SAMMSON: variants seen among roughly 807,000 people sequenced by gnomAD.
SAMMSON encodes the protein survival associated mitochondrial melanoma specific oncogenic non-coding RNA, also known as long intergenic non-protein coding RNA 1212.
intron 4 of SAMMSON, among the ~76,000 whole-genome samples, chr3:70,209,024 A>G (rs1276297676): frequency 6.6e-6 from 1 of 152,098 alleles, no homozygotes; most frequent in African/African-American, 2.4e-5. Flanking sequence ...GGCTTCCTCT[A>G]ACCCAAGAGG....
chr3:70,031,076 A>C (rs1436752977), intron 3 of SAMMSON, among the ~76,000 whole-genome samples: 1 of 152,212 alleles, frequency 6.6e-6, no homozygotes, highest in African/African-American at 2.4e-5. Flanking sequence ...ACAAGGACTC[A>C]AACAGTTCTT....
At chr3:70,161,732 G>A (rs1279976785) in intron 4 of SAMMSON, among the ~76,000 whole-genome samples, 2 of 151,822 alleles carry the variant, frequency 1.3e-5, no homozygotes, top group East Asian at 3.9e-4. Flanking sequence ...AGGGGAATTT[G>A]TAGAGTATTG....
chr3:70,296,056 A>G (rs947960047), intron 7 of SAMMSON, among the ~76,000 whole-genome samples: 3 of 152,176 alleles, frequency 2.0e-5, no homozygotes, highest in Non-Finnish European at 4.4e-5. Context: ...CAGGATTCTG[A>G]ATCTGTTTTA....
intron 3 of SAMMSON, among the ~76,000 whole-genome samples, chr3:70,039,524 A>C (rs1049465566): frequency 5.3e-5 from 8 of 151,896 alleles, no homozygotes; most frequent in African/African-American, 1.9e-4. Context: ...AGATGGCCAC[A>C]CTGAAGATTT....
At chr3:70,394,365 G>C (rs528025178), downstream of SAMMSON, among the ~76,000 whole-genome samples, 5 of 152,204 alleles carry the variant, frequency 3.3e-5, no homozygotes, top group East Asian at 7.7e-4. Context: ...ATTTCCCTTT[G>C]CGTGGCCTTG....
intron 2 of SAMMSON, among the ~76,000 whole-genome samples, chr3:70,013,215 ACT>A (rs2066965817): frequency 1.3e-5 from 2 of 151,908 alleles, no homozygotes; most frequent in Admixed American, 1.3e-4. Flanking sequence ...CTAGGTTTTG[ACT>A]CTGGCTTTGT....
chr3:70,035,128 G>A (rs1057134554), intron 3 of SAMMSON, among the ~76,000 whole-genome samples: 1 of 151,942 alleles, frequency 6.6e-6, no homozygotes, highest in Non-Finnish European at 1.5e-5. Context: ...GATTCACTTC[G>A]GGCCCATCCA....
At chr3:70,100,533 G>GAAAAAAT (rs143471172) in intron 4 of SAMMSON, among the ~76,000 whole-genome samples, 1 of 149,348 alleles carries the variant, frequency 6.7e-6, no homozygotes, top group African/African-American at 2.5e-5. Context: ...GGGGGGGGGG[G>GAAAAAAT]AAGCACCAAA....
intron 6 of SAMMSON, among the ~76,000 whole-genome samples, chr3:70,268,973 C>A (rs1701950166): frequency 6.6e-6 from 1 of 151,970 alleles, no homozygotes; most frequent in Non-Finnish European, 1.5e-5. Context: ...CAGGAAAAAT[C>A]TTAACCTTCT....
At chr3:70,281,694 C>T (rs1382757357) in intron 6 of SAMMSON, among the ~76,000 whole-genome samples, 4 of 152,134 alleles carry the variant, frequency 2.6e-5, no homozygotes, top group African/African-American at 9.7e-5. Context: ...ACCATCATTG[C>T]TTTTTGCCCC....
chr3:70,287,975 G>A (rs1299730158), intron 6 of SAMMSON, among the ~76,000 whole-genome samples: 5 of 151,994 alleles, frequency 3.3e-5, no homozygotes, highest in African/African-American at 1.2e-4. Context: ...CTTGCTAGCA[G>A]TCTATCTCTT....
At chr3:70,395,505 G>C (rs1395519445) in intron 2 of SAMMSON, among the ~76,000 whole-genome samples, 1 of 151,964 alleles carries the variant, frequency 6.6e-6, no homozygotes, top group Non-Finnish European at 1.5e-5. Context: ...AAAGTGCCTA[G>C]TTTTTGCCTA....
chr3:70,047,418 C>A (rs2067131131), intron 3 of SAMMSON, among the ~76,000 whole-genome samples: 1 of 149,996 alleles, frequency 6.7e-6, no homozygotes, highest in Non-Finnish European at 1.5e-5. Context: ...CTCACTGCAA[C>A]CTCTGCCTCC....
At chr3:70,336,802 A>G (rs1216820869) in intron 7 of SAMMSON, among the ~76,000 whole-genome samples, 2 of 144,384 alleles carry the variant, frequency 1.4e-5, no homozygotes, top group African/African-American at 5.1e-5. Flanking sequence ...AGAGTTAAAC[A>G]TAATAGAAAG....
chr3:70,039,138 C>G (rs2067096887), intron 3 of SAMMSON, among the ~76,000 whole-genome samples: 1 of 152,116 alleles, frequency 6.6e-6, no homozygotes, highest in African/African-American at 2.4e-5. Context: ...TGGGAGAAAT[C>G]TTGAGACTAA....
At chr3:70,058,966 A>G (rs1450316496) in intron 3 of SAMMSON, among the ~76,000 whole-genome samples, 3 of 152,036 alleles carry the variant, frequency 2.0e-5, no homozygotes, top group African/African-American at 7.2e-5. Flanking sequence ...GCGGGAAGGT[A>G]TTAATATACC....
chr3:70,199,858 A>G (rs1245014917), intron 4 of SAMMSON, among the ~76,000 whole-genome samples: 1 of 152,136 alleles, frequency 6.6e-6, no homozygotes, highest in Non-Finnish European at 1.5e-5. Flanking sequence ...TGTATACCAT[A>G]TATGCTATTG....
chr3:70,303,311 G>A (rs1291373958), intron 7 of SAMMSON, among the ~76,000 whole-genome samples: 1 of 152,086 alleles, frequency 6.6e-6, no homozygotes. Flanking sequence ...TGGCAGTCAA[G>A]TTTTCTTGGC....
intron 9 of SAMMSON, among the ~76,000 whole-genome samples, chr3:70,376,798 AT>A (rs2106749229): frequency 6.6e-6 from 1 of 152,234 alleles, no homozygotes; most frequent in Non-Finnish European, 1.5e-5. Flanking sequence ...CATATTGTTA[AT>A]TTTTTAAAAT....
Sources: gnomAD v4.1 joint callset for allele counts (sites outside exome capture counted in the v4.1 genomes callset) on GRCh38, gnomAD v4.1.1 for gene constraint, MANE v1.5 for transcripts, NCBI Gene and HGNC (gene_info 2026-07-23, HGNC 2026-07-21) for gene names.